Variants in PDE4D observed in about 807,000 individuals in gnomAD.
The protein encoded by PDE4D is 3',5'-cyclic-AMP phosphodiesterase 4D.
Under a neutral mutation model 87.4 loss-of-function variants are expected in PDE4D, and 24 were observed. The ratio of observed to expected loss-of-function variants is 0.27; its 90% CI spans 0.20 to 0.39. PDE4D has a LOEUF of 0.39. PDE4D is among the 10% of genes least tolerant of loss of function. The pLI, the probability that PDE4D is intolerant of heterozygous loss-of-function variation, is 1.00. For missense variants in PDE4D, 714 were observed against 1,041.0 expected (o/e 0.69, Z 4.32); for synonymous variants, 384 against 383.2 (o/e 1.00, Z -0.02).
At chr5:60,011,458 G>A (rs911380105) in intron 2 of PDE4D, among the ~76,000 whole-genome samples, 7 of 151,952 alleles carry the variant, frequency 4.6e-5, no homozygotes, top group Non-Finnish European at 8.8e-5. Context: ...ACTGTTATTC[G>A]TGAGTGCTGG....
At chr5:59,261,916 C>T (rs1762073464) in intron 1 of PDE4D, among the ~76,000 whole-genome samples, 1 of 151,762 alleles carries the variant, frequency 6.6e-6, no homozygotes, top group South Asian at 2.1e-4. Context: ...ATCTCTCTAA[C>T]CCAGGGAAAG....
chr5:60,415,188 T>C (rs1583675983), intron 1 of PDE4D, among the ~76,000 whole-genome samples: 1 of 152,374 alleles, frequency 6.6e-6, no homozygotes, highest in East Asian at 1.9e-4. Flanking sequence ...GATCAGGCTA[T>C]GAGACAAGTT....
chr5:59,138,933 G>A (rs1357916955), intron 5 of PDE4D, among the ~76,000 whole-genome samples: 1 of 152,164 alleles, frequency 6.6e-6, no homozygotes, highest in African/African-American at 2.4e-5. Flanking sequence ...GAGGAGGAAT[G>A]CTTAAATTCG....
At chr5:60,508,300 T>A (rs1354278662) in intron 1 of PDE4D, among the ~76,000 whole-genome samples, 1 of 152,208 alleles carries the variant, frequency 6.6e-6, no homozygotes. Context: ...ATTACACACA[T>A]CTCCTGTCTT....
intron 1 of PDE4D, among the ~76,000 whole-genome samples, chr5:60,335,984 T>C (rs1332264090): frequency 1.3e-5 from 2 of 152,220 alleles, no homozygotes; most frequent in African/African-American, 4.8e-5. Flanking sequence ...CTTAGCAGCA[T>C]GGTCACTTGG....
intron 1 of PDE4D, among the ~76,000 whole-genome samples, chr5:59,411,795 A>G (rs985200308): frequency 7.9e-5 from 12 of 152,230 alleles, no homozygotes; most frequent in Admixed American, 3.3e-4. Context: ...AATTCAGCCC[A>G]TAAAAAAGAT....
intron 1 of PDE4D, among the ~76,000 whole-genome samples, chr5:60,306,520 A>G (rs1209343186): frequency 1.3e-5 from 2 of 152,092 alleles, no homozygotes; most frequent in Non-Finnish European, 1.5e-5. Flanking sequence ...AATGACCTAG[A>G]AAAAGATCAG....
At chr5:60,440,520 G>A (rs1253221164) in intron 1 of PDE4D, among the ~76,000 whole-genome samples, 1 of 152,048 alleles carries the variant, frequency 6.6e-6, no homozygotes, top group Non-Finnish European at 1.5e-5. Context: ...GGATCGTGGA[G>A]GAAGTCTATT....
At chr5:59,392,212 G>A (rs1372984985) in intron 1 of PDE4D, among the ~76,000 whole-genome samples, 1 of 151,748 alleles carries the variant, frequency 6.6e-6, no homozygotes, top group Non-Finnish European at 1.5e-5. Context: ...ATTTGAGTCA[G>A]TGTGCAGACC....
chr5:59,127,386 A>G (rs1288268214), intron 5 of PDE4D, among the ~76,000 whole-genome samples: 1 of 152,152 alleles, frequency 6.6e-6, no homozygotes, highest in Non-Finnish European at 1.5e-5. Context: ...ATGTGCATGC[A>G]GAAGTGTTAA....
intron 2 of PDE4D, among the ~76,000 whole-genome samples, chr5:60,160,141 T>G (rs71627990): frequency 6.6e-6 from 1 of 152,184 alleles, no homozygotes; most frequent in Non-Finnish European, 1.5e-5. Context: ...TATTTTCACT[T>G]TCTTATGATT....
At chr5:59,688,679 C>T (rs1023199049) in intron 1 of PDE4D, among the ~76,000 whole-genome samples, 4 of 152,070 alleles carry the variant, frequency 2.6e-5, no homozygotes, top group African/African-American at 7.2e-5. Flanking sequence ...CAAGAGCAAA[C>T]GCATTCAAAA....
intron 1 of PDE4D, among the ~76,000 whole-genome samples, chr5:59,322,497 G>C (rs918242385): frequency 6.6e-6 from 1 of 152,140 alleles, no homozygotes; most frequent in Non-Finnish European, 1.5e-5. Context: ...TTACTCTCCT[G>C]AGTTTGTCAA....
At chr5:59,691,491 G>C (rs1444982797) in intron 1 of PDE4D, among the ~76,000 whole-genome samples, 3 of 148,488 alleles carry the variant, frequency 2.0e-5, no homozygotes, top group African/African-American at 7.4e-5. Flanking sequence ...AACACTGCAT[G>C]TTCTCAATCA....
chr5:59,166,843 T>C (rs1782001648), intron 5 of PDE4D, among the ~76,000 whole-genome samples: 1 of 152,218 alleles, frequency 6.6e-6, no homozygotes, highest in African/African-American at 2.4e-5. Flanking sequence ...GTGTGTCTTA[T>C]ATGGTCTGTA....
At chr5:59,959,731 C>T (rs1279650227) in intron 3 of PDE4D, among the ~76,000 whole-genome samples, 1 of 152,124 alleles carries the variant, frequency 6.6e-6, no homozygotes, top group Non-Finnish European at 1.5e-5. Context: ...AGACCTCAAA[C>T]TATAAAAATC....
At chr5:59,636,634 A>T (rs956487578) in intron 1 of PDE4D, among the ~76,000 whole-genome samples, 2 of 152,210 alleles carry the variant, frequency 1.3e-5, no homozygotes, top group Admixed American at 6.5e-5. Flanking sequence ...GACAAACCTG[A>T]CAAAAACAAG....
At chr5:59,230,360 C>T (rs1380840957) in intron 1 of PDE4D, among the ~76,000 whole-genome samples, 1 of 152,098 alleles carries the variant, frequency 6.6e-6, no homozygotes, top group Admixed American at 6.6e-5. Context: ...GATCTTCAAA[C>T]CATACCTGTC....
chr5:59,622,012 A>C (rs1382578515), intron 1 of PDE4D, among the ~76,000 whole-genome samples: 1 of 152,224 alleles, frequency 6.6e-6, no homozygotes, highest in Non-Finnish European at 1.5e-5. Flanking sequence ...TAAAAGAGTT[A>C]CAAGTATTGC....
Sources: gnomAD v4.1 joint callset for allele counts (sites outside exome capture counted in the v4.1 genomes callset) on GRCh38, gnomAD v4.1.1 for gene constraint, MANE v1.5 for transcripts, NCBI Gene and HGNC (gene_info 2026-07-23, HGNC 2026-07-21) for gene names.